SCN2A: variants seen among roughly 807,000 people sequenced by gnomAD.
The protein encoded by SCN2A is sodium channel protein type 2 subunit alpha.
A neutral mutation model predicts 188.7 loss-of-function variants in SCN2A; 20 were observed. That is an observed-to-expected ratio of 0.11 (90% CI 0.07 to 0.15). The LOEUF is 0.15. Among genes scored for constraint, SCN2A ranks in the 10% least tolerant of loss-of-function variants. The pLI is 1.00. For missense variants in SCN2A, 1,278 were observed against 2,445.0 expected, an observed-to-expected ratio of 0.52 and a Z score of 10.07; for synonymous variants, 804 against 833.1, an observed-to-expected ratio of 0.97 and a Z score of 0.60.
chr2:165,290,543 T>C (rs1696049665), intron 1 of SCN2A: 1 of 152,684 alleles, frequency 6.5e-6, no homozygotes, highest in African/African-American at 2.4e-5. Flanking sequence ...AGATACTATG[T>C]GTTATTATTA....
At chr2:165,272,166 T>C (rs1695131993) in intron 1 of SCN2A, 1 of 151,944 alleles carries the variant, frequency 6.6e-6, no homozygotes, top group African/African-American at 2.4e-5. Context: ...AAAAAATCAG[T>C]AAAAGATACA....
chr2:165,318,000 T>C (rs1025098665), intron 11 of SCN2A, among the ~76,000 whole-genome samples: 3 of 152,036 alleles, frequency 2.0e-5, no homozygotes, highest in African/African-American at 4.8e-5. Flanking sequence ...CCAACCCCAC[T>C]TGGCAAGCCC....
intron 1 of SCN2A, among the ~76,000 whole-genome samples, chr2:165,242,713 T>C (rs1320704003): frequency 6.6e-6 from 1 of 152,122 alleles, no homozygotes; most frequent in African/African-American, 2.4e-5. Context: ...CTAAGCCCTT[T>C]GTAGAGTAAG....
At chr2:165,311,341 T>C (rs1177240901) in intron 7 of SCN2A, among the ~76,000 whole-genome samples, 1 of 152,076 alleles carries the variant, frequency 6.6e-6, no homozygotes, top group African/African-American at 2.4e-5. Flanking sequence ...AGATCATCTT[T>C]GCAACTTACT....
intron 3 of SCN2A, among the ~76,000 whole-genome samples, chr2:165,302,615 C>G (rs1204562014): frequency 2.6e-5 from 4 of 152,044 alleles, no homozygotes; most frequent in African/African-American, 9.7e-5. Flanking sequence ...TGGATAATGA[C>G]TGTATACTGT....
At chr2:165,309,700 C>T (rs979913306) in intron 6 of SCN2A, among the ~76,000 whole-genome samples, 3 of 152,084 alleles carry the variant, frequency 2.0e-5, no homozygotes, top group African/African-American at 7.2e-5. Flanking sequence ...TGGTTTGCAT[C>T]CTATAACATC....
chr2:165,308,854 T>C, intron 5 of SCN2A, 60 bp downstream of exon 5: 1 of 1,599,588 alleles, frequency 6.3e-7, no homozygotes, highest in Non-Finnish European at 8.6e-7. Flanking sequence ...GAGCCTATAC[T>C]ATATTTTCCT....
At chr2:165,259,931 ATTTTT>A (rs140137535) in intron 1 of SCN2A, among the ~76,000 whole-genome samples, 381 of 89,478 alleles carry the variant, frequency 4.3e-3, no homozygotes, top group African/African-American at 8.1e-3. Flanking sequence ...CTAAAAATGG[ATTTTT>A]TTTTTTTTTT....
chr2:165,309,583 A>G (rs1697326059), intron 6 of SCN2A, 140 bp downstream of exon 6: 3 of 1,039,006 alleles, frequency 2.9e-6, no homozygotes, highest in Admixed American at 4.0e-5. Context: ...CATTTTTTGG[A>G]TGGATTTGAT....
chr2:165,291,724 A>C (rs1696214813), intron 1 of SCN2A, among the ~76,000 whole-genome samples: 1 of 151,200 alleles, frequency 6.6e-6, no homozygotes, highest in African/African-American at 2.4e-5. Flanking sequence ...TGCTGGGATT[A>C]CAAGCAAAAG....
chr2:165,303,293 T>TTTTTTTTTTTA (rs1696930781), intron 3 of SCN2A, among the ~76,000 whole-genome samples: 1 of 92,932 alleles, frequency 1.1e-5, no homozygotes, highest in Admixed American at 1.1e-4. Flanking sequence ...TTTTTTTTTT[T>TTTTTTTTTTTA]GAGACGGGTT....
intron 7 of SCN2A, among the ~76,000 whole-genome samples, chr2:165,311,727 G>A (rs955054976): frequency 6.6e-6 from 1 of 152,000 alleles, no homozygotes; most frequent in African/African-American, 2.4e-5. Flanking sequence ...CTTTCTTAAT[G>A]TATCCCATGC....
At chr2:165,283,342 A>G (rs896355010) in intron 1 of SCN2A, among the ~76,000 whole-genome samples, 2 of 152,230 alleles carry the variant, frequency 1.3e-5, no homozygotes, top group Non-Finnish European at 2.9e-5. Flanking sequence ...ACTCAGGACT[A>G]GGGATCTATG....
rs775467137 is a variant in SCN2A, at chr2:165,326,845, C to T, written c.2017-7C>T. 2 of 1,613,752 alleles carry T rather than the reference C, an allele frequency of 1.2e-6. No individual in the cohort carries two copies. Among genetic ancestry groups the T allele is most frequent in the Non-Finnish European group, 1.7e-6 (2 of 1,179,772 alleles). On this transcript the variant is annotated splice_polypyrimidine_tract_variant and splice_region_variant and intron_variant, in intron 12 of 26. Coordinates refer to ENST00000375437, the MANE Select transcript of SCN2A (RefSeq NM_001040142.2). Reference sequence around the variant, plus strand: ...AGTGGTTATTTCATCTGAAATTCTACTTCTAGGGCACAACTACTGAAACAG... The same window carrying T: ...AGTGGTTATTTCATCTGAAATTCTATTTCTAGGGCACAACTACTGAAACAG...
intron 1 of SCN2A, among the ~76,000 whole-genome samples, chr2:165,264,803 C>CT (rs952857543): frequency 3.9e-5 from 6 of 152,008 alleles, no homozygotes; most frequent in South Asian, 2.1e-4. Flanking sequence ...TGATCTCATT[C>CT]TTTTTTTTGT....
intron 19 of SCN2A, among the ~76,000 whole-genome samples, chr2:165,369,090 T>G (rs759156798): frequency 6.6e-6 from 1 of 152,082 alleles, no homozygotes; most frequent in Non-Finnish European, 1.5e-5. Flanking sequence ...CACACCTGGC[T>G]AATTTTTGTA....
intron 1 of SCN2A, among the ~76,000 whole-genome samples, chr2:165,275,160 T>G (rs945374677): frequency 2.6e-4 from 40 of 152,232 alleles, no homozygotes; most frequent in South Asian, 6.2e-4. Context: ...ACAGGCCTTT[T>G]CAAATGTGAA....
At chr2:165,317,947 G>A (rs2105265181) in intron 11 of SCN2A, among the ~76,000 whole-genome samples, 1 of 152,200 alleles carries the variant, frequency 6.6e-6, no homozygotes, top group South Asian at 2.1e-4. Context: ...GGGGAAAGGA[G>A]AAAAGGAAGA....
chr2:165,291,989 G>T (rs566050774), intron 1 of SCN2A, among the ~76,000 whole-genome samples: 8 of 152,084 alleles, frequency 5.3e-5, no homozygotes, highest in Non-Finnish European at 1.2e-4. Context: ...GGTCTGGAAG[G>T]TTGGGAGGCT....
Sources: allele counts gnomAD v4.1 joint callset (sites outside exome capture counted in the v4.1 genomes callset), GRCh38; gene constraint gnomAD v4.1.1; transcripts MANE v1.5; gene names NCBI Gene and HGNC (gene_info 2026-07-23, HGNC 2026-07-21).